Variants in SHISA9 observed in about 807,000 individuals in gnomAD.
SHISA9 encodes shisa family member 9, also known as protein shisa-9.
SHISA9 carries 13 observed loss-of-function variants against 38.0 expected under a neutral mutation model. The observed-to-expected ratio is 0.34, with a 90% CI of 0.22 to 0.54. The LOEUF is 0.54. Among genes scored for constraint, SHISA9 ranks in the 20% least tolerant of loss-of-function variants. The pLI, the probability that SHISA9 is intolerant of heterozygous loss-of-function variation, is 0.91. For synonymous variants in SHISA9, 275 were observed against 242.0 expected (o/e 1.14, Z -1.27); for missense variants, 538 against 575.8 (o/e 0.93, Z 0.67).
chr16:13,554,391 T>C, the SHISA9 span, among the ~76,000 whole-genome samples: 1 of 151,804 alleles, frequency 6.6e-6, no homozygotes. Flanking sequence ...GCTACAAGTC[T>C]GGTATTTATT....
chr16:12,944,411 A>G (rs993955454), intron 2 of SHISA9, among the ~76,000 whole-genome samples: 3 of 152,226 alleles, frequency 2.0e-5, no homozygotes, highest in African/African-American at 7.2e-5. Context: ...AATACATGCT[A>G]GCATCTGGCA....
At position 12,988,511 on chromosome 16, in the gene SHISA9, ATTG is replaced by A. The variant is rs373814717; in HGVS notation, c.691+71708_691+71710del. 5.9e-5 allele frequency among the ~76,000 whole-genome samples: 9 copies of A among 151,910 alleles called. No individual in the cohort carries two copies. The East Asian group carries it at 7.8e-4, about 13-fold the overall frequency. ...TTTTGTATTTGTTTTCTTATATTTT[ATTG>A]TTGTTGTTGTTTGTTTTGTTTTGTT... On this transcript the variant is annotated intron_variant, in intron 2 of 4. Coordinates refer to ENST00000558583, the MANE Select transcript of SHISA9 (RefSeq NM_001145204.3).
At chr16:13,026,707 C>T (rs1213510974) in intron 2 of SHISA9, among the ~76,000 whole-genome samples, 1 of 152,234 alleles carries the variant, frequency 6.6e-6, no homozygotes, top group Non-Finnish European at 1.5e-5. Flanking sequence ...CTGACCTCCT[C>T]AAGCCCTACT....
chr16:12,925,473 G>GTGTGTGTGTGTGTTTA (rs113968316), intron 2 of SHISA9, among the ~76,000 whole-genome samples: 14 of 150,604 alleles, frequency 9.3e-5, no homozygotes, highest in African/African-American at 3.4e-4. Flanking sequence ...GTGTGTGTGT[G>GTGTGTGTGTGTGTTTA]CAAGCAACAG....
At position 13,082,112 on chromosome 16, in the gene SHISA9, A is replaced by G. The variant is rs1596635685; in HGVS notation, c.692-121282A>G. Among the ~76,000 whole-genome samples, 3 of 152,268 alleles carry G rather than the reference A, an allele frequency of 2.0e-5. No individual in the cohort carries two copies. In the East Asian group the frequency reaches 5.8e-4, roughly 29 times the overall value. On this transcript the variant is annotated intron_variant, in intron 2 of 4. Transcript: ENST00000558583. The stretch of plus-strand genomic sequence containing the variant: ...CAGAACCCCCCAAAGGGGAAATAAA[A>G]GGACAGTGAAGCTTACAGGGTGTGA...
At chr16:13,397,279 C>A in the SHISA9 span, among the ~76,000 whole-genome samples, 1 of 152,166 alleles carries the variant, frequency 6.6e-6, no homozygotes, top group African/African-American at 2.4e-5. Flanking sequence ...GTGTGGCTCG[C>A]TTCTTTGGTG....
At chr16:13,365,303 A>C in the SHISA9 span, among the ~76,000 whole-genome samples, 893 of 152,254 alleles carry the variant, frequency 5.9e-3, 13 homozygotes, top group African/African-American at 0.021. Flanking sequence ...TGCCTCTGGC[A>C]AGGAGGACCT....
the SHISA9 span, among the ~76,000 whole-genome samples, chr16:13,551,629 T>G: frequency 6.6e-6 from 1 of 152,172 alleles, no homozygotes; most frequent in Non-Finnish European, 1.5e-5. Context: ...ACCACATGCA[T>G]ACAATCATTA....
chr16:13,291,664 A>C, the SHISA9 span, among the ~76,000 whole-genome samples: 1 of 152,204 alleles, frequency 6.6e-6, no homozygotes, highest in African/African-American at 2.4e-5. Flanking sequence ...TATTTGAGTT[A>C]CTTATTTCCC....
At chr16:13,220,872 C>G (rs1286234515) in intron 4 of SHISA9, among the ~76,000 whole-genome samples, 1 of 152,112 alleles carries the variant, frequency 6.6e-6, no homozygotes, top group Non-Finnish European at 1.5e-5. Context: ...GAGAAAGGGC[C>G]TGAGGTTTCA....
intron 2 of SHISA9, among the ~76,000 whole-genome samples, chr16:13,029,758 A>G (rs1213492749): frequency 1.3e-5 from 2 of 152,178 alleles, no homozygotes; most frequent in African/African-American, 4.8e-5. Context: ...AAACAATTGA[A>G]CCCATCTCTC....
At chr16:12,962,991 C>T (rs2071930883) in intron 2 of SHISA9, among the ~76,000 whole-genome samples, 1 of 152,140 alleles carries the variant, frequency 6.6e-6, no homozygotes, top group Non-Finnish European at 1.5e-5. Context: ...ATTTCTGTTG[C>T]CCCATCCTGA....
the SHISA9 span, among the ~76,000 whole-genome samples, chr16:13,434,419 G>GTTTTTTTTTTTTTTTT: frequency 0.023 from 1,463 of 64,250 alleles, 167 homozygotes; most frequent in African/African-American, 0.025. Flanking sequence ...GACAAGCTAT[G>GTTTTTTTTTTTTTTTT]TTTTTTTTTT....
At chr16:13,494,941 C>T in the SHISA9 span, among the ~76,000 whole-genome samples, 4 of 152,160 alleles carry the variant, frequency 2.6e-5, no homozygotes, top group African/African-American at 7.2e-5. Flanking sequence ...CATGAATGTC[C>T]AGGACGTTGC....
chr16:13,204,789 G>A (rs1403169060), intron 3 of SHISA9: 2 of 152,194 alleles, frequency 1.3e-5, no homozygotes, highest in Non-Finnish European at 2.9e-5. Context: ...GACTCTAAGA[G>A]GCTAATATAA....
At chr16:13,547,581 T>G in the SHISA9 span, among the ~76,000 whole-genome samples, 1 of 152,192 alleles carries the variant, frequency 6.6e-6, no homozygotes, top group African/African-American at 2.4e-5. Context: ...TTTGCCATTT[T>G]TCTGCATTTT....
the SHISA9 span, among the ~76,000 whole-genome samples, chr16:13,356,028 G>A: frequency 6.6e-6 from 1 of 152,236 alleles, no homozygotes; most frequent in Non-Finnish European, 1.5e-5. Context: ...TCTGGCACGT[G>A]TAGCAAGCTC....
intron 2 of SHISA9, among the ~76,000 whole-genome samples, chr16:13,143,507 T>C (rs969227733): frequency 6.6e-6 from 1 of 152,184 alleles, no homozygotes; most frequent in African/African-American, 2.4e-5. Flanking sequence ...ATGGGTCCCC[T>C]ATGGGAAGCT....
chr16:12,925,042 G>A (rs1417345624), intron 2 of SHISA9, among the ~76,000 whole-genome samples: 2 of 149,956 alleles, frequency 1.3e-5, no homozygotes, highest in African/African-American at 2.4e-5. Context: ...GTGACTATTG[G>A]TGCGAAAGTT....
Sources: gnomAD v4.1 joint callset for allele counts (sites outside exome capture counted in the v4.1 genomes callset) on GRCh38, gnomAD v4.1.1 for gene constraint, MANE v1.5 for transcripts, NCBI Gene and HGNC (gene_info 2026-07-23, HGNC 2026-07-21) for gene names.